Variants in TMC1 observed in about 807,000 individuals in gnomAD.
TMC1 encodes transmembrane channel like 1, also known as transmembrane channel-like protein 1.
In TMC1, 84 loss-of-function variants were observed where a neutral mutation model predicts 105.8. That is an observed-to-expected ratio of 0.79 (90% CI 0.67 to 0.95). TMC1 has a LOEUF of 0.95. Ranked by LOEUF, TMC1 falls within the 40% of genes least tolerant of loss-of-function variation. The probability of loss-of-function intolerance (pLI) is 0.00; values close to 1 mark genes in which losing one functional copy is unlikely to be tolerated. For synonymous variants in TMC1, 315 were observed against 311.5 expected (o/e 1.01, Z -0.12); for missense variants, 817 against 914.1 (o/e 0.89, Z 1.37).
intron 23 of TMC1, among the ~76,000 whole-genome samples, chr9:72,834,402 G>A (rs1239298082): frequency 3.3e-5 from 5 of 152,212 alleles, no homozygotes; most frequent in Admixed American, 6.5e-5. Context: ...GGATGCAAAG[G>A]TGGGTTTCGA....
chr9:72,563,899 CAA>C (rs71357586), intron 1 of TMC1, among the ~76,000 whole-genome samples: 3 of 52,170 alleles, frequency 5.8e-5, no homozygotes, highest in African/African-American at 1.6e-4. Flanking sequence ...AACTCTGGCT[CAA>C]AAAAAAAAAA....
At chr9:72,756,918 G>A (rs866804929) in intron 12 of TMC1, among the ~76,000 whole-genome samples, 5 of 152,132 alleles carry the variant, frequency 3.3e-5, no homozygotes, top group Admixed American at 2.0e-4. Context: ...AAATTCAGGG[G>A]AAAGTAGAGG....
chr9:72,601,366 A>G (rs905599776), intron 2 of TMC1, among the ~76,000 whole-genome samples: 1 of 151,276 alleles, frequency 6.6e-6, no homozygotes, highest in African/African-American at 2.4e-5. Context: ...AAAATTGGCC[A>G]GGTGCGGTGG....
intron 15 of TMC1, 68 bp from the exon 16 acceptor site, chr9:72,791,818 A>C: frequency 7.1e-7 from 1 of 1,416,432 alleles, no homozygotes; most frequent in Non-Finnish European, 9.9e-7. Flanking sequence ...ATCTTCCAAA[A>C]TTCTGGCAAA....
At chr9:72,643,966 A>G (rs1178963813) in intron 4 of TMC1, among the ~76,000 whole-genome samples, 1 of 152,136 alleles carries the variant, frequency 6.6e-6, no homozygotes, top group East Asian at 1.9e-4. Context: ...AATTTTAGCC[A>G]TTTTAATAAA....
chr9:72,659,753 G>A (rs889668300), intron 5 of TMC1, among the ~76,000 whole-genome samples: 2 of 152,208 alleles, frequency 1.3e-5, no homozygotes, highest in African/African-American at 2.4e-5. Flanking sequence ...CACATAGCAG[G>A]TTTTAATAAG....
intron 10 of TMC1, among the ~76,000 whole-genome samples, chr9:72,744,080 G>A (rs1827445650): frequency 6.6e-6 from 1 of 152,146 alleles, no homozygotes; most frequent in African/African-American, 2.4e-5. Flanking sequence ...TTTAGGAGTG[G>A]CTAACCCTCG....
At chr9:72,529,725 A>G (rs1053449075) in intron 1 of TMC1, among the ~76,000 whole-genome samples, 4 of 151,824 alleles carry the variant, frequency 2.6e-5, no homozygotes, top group African/African-American at 9.7e-5. Flanking sequence ...AAAAAGTGAC[A>G]CAGCAAAACA....
intron 2 of TMC1, among the ~76,000 whole-genome samples, chr9:72,606,364 T>G (rs1824912684): frequency 6.6e-6 from 1 of 152,190 alleles, no homozygotes; most frequent in South Asian, 2.1e-4. Context: ...ACAGTCTTCT[T>G]ATAACTTAGG....
intron 8 of TMC1, among the ~76,000 whole-genome samples, chr9:72,715,960 G>T (rs1826910325): frequency 6.6e-6 from 1 of 152,152 alleles, no homozygotes; most frequent in African/African-American, 2.4e-5. Flanking sequence ...GGTCCTTTTT[G>T]TTGATGTTGA....
chr9:72,811,615 ATAGAAT>A lies in TMC1; in HGVS notation c.1696-4523_1696-4518del, dbSNP rs372171247. 2.7e-3 allele frequency among the ~76,000 whole-genome samples: 413 copies of A among 152,328 alleles called. 2 individuals carry two copies. The highest frequency in any genetic ancestry group is 9.7e-3 in the African/African-American group (403 of 41,586). ...GCAAGTAAAGAATATTCAAGAAGAA[ATAGAAT>A]TAGATTCAGGGCATGATGGGGTAAG... On this transcript the variant is annotated intron_variant, in intron 18 of 23. Transcript: ENST00000297784.
At chr9:72,643,228 C>T (rs1249601626) in intron 4 of TMC1, among the ~76,000 whole-genome samples, 1 of 151,536 alleles carries the variant, frequency 6.6e-6, no homozygotes, top group Admixed American at 6.6e-5. Context: ...GTAGATTAAT[C>T]TTGATGTTTA....
chr9:72,746,997 C>T (rs954764261), intron 10 of TMC1, among the ~76,000 whole-genome samples: 4 of 152,092 alleles, frequency 2.6e-5, no homozygotes, highest in Admixed American at 2.0e-4. Context: ...CATTGTGATG[C>T]CAACATTATT....
chr9:72,828,799 C>G (rs1387680654), intron 21 of TMC1, among the ~76,000 whole-genome samples: 1 of 152,224 alleles, frequency 6.6e-6, no homozygotes, highest in Non-Finnish European at 1.5e-5. Flanking sequence ...TTCAGATGGG[C>G]TGAAAGCCAC....
chr9:72,626,358 G>T lies in TMC1; in HGVS notation c.-195-1563G>T, dbSNP rs142258054. 5.9e-5 allele frequency among the ~76,000 whole-genome samples: 9 copies of T among 152,330 alleles called. No homozygotes were observed. The East Asian group carries it at 1.7e-3, about 29-fold the overall frequency. Reference sequence around the variant, plus strand: ...CTAGAGGTCTGGAGCTAAGGAGAAAGATCTGGCTTGGAGATGTGGATCAGG... The same window carrying T: ...CTAGAGGTCTGGAGCTAAGGAGAAATATCTGGCTTGGAGATGTGGATCAGG... On this transcript the variant is annotated intron_variant, in intron 3 of 23. Transcript: ENST00000297784.
intron 18 of TMC1, among the ~76,000 whole-genome samples, chr9:72,811,467 G>GTATTTAATTGTATTTAATA (rs1419718002): frequency 2.0e-5 from 3 of 152,136 alleles, no homozygotes. Flanking sequence ...GATTTTAACT[G>GTATTTAATTGTATTTAATA]CTCTAATTTA....
intron 1 of TMC1, among the ~76,000 whole-genome samples, chr9:72,524,030 C>T (rs2132052138): frequency 6.6e-6 from 1 of 152,278 alleles, no homozygotes; most frequent in South Asian, 2.1e-4. Context: ...TATCATCATC[C>T]ATTTTCACTC....
At chr9:72,748,182 G>A (rs536397527) in intron 10 of TMC1, among the ~76,000 whole-genome samples, 1 of 152,294 alleles carries the variant, frequency 6.6e-6, no homozygotes, top group African/African-American at 2.4e-5. Flanking sequence ...TGTAGCTCAA[G>A]ACTGCCTGGT....
At chr9:72,530,330 C>T (rs1371097456) in intron 1 of TMC1, among the ~76,000 whole-genome samples, 1 of 152,128 alleles carries the variant, frequency 6.6e-6, no homozygotes, top group Non-Finnish European at 1.5e-5. Flanking sequence ...TGTGCCACCA[C>T]ACCTGGCTAA....
Sources: gnomAD v4.1 joint callset for allele counts (sites outside exome capture counted in the v4.1 genomes callset) on GRCh38, gnomAD v4.1.1 for gene constraint, MANE v1.5 for transcripts, NCBI Gene and HGNC (gene_info 2026-07-23, HGNC 2026-07-21) for gene names.